RPA3: variants seen among roughly 807,000 people sequenced by gnomAD.
RPA3 encodes replication protein A3, also known as replication protein A 14 kDa subunit.
Under a neutral mutation model 13.7 loss-of-function variants are expected in RPA3, and 24 were observed. The observed-to-expected ratio is 1.75, with a 90% CI of 1.27 to 2.46. The LOEUF is 2.46. Among genes scored for constraint, RPA3 ranks in the 30% most tolerant of loss-of-function variants. The pLI, the probability that RPA3 is intolerant of heterozygous loss-of-function variation, is 0.00. For synonymous variants in RPA3, 59 were observed against 51.2 expected (o/e 1.15, Z -0.65); for missense variants, 183 against 151.0 (o/e 1.21, Z -1.11).
chr7:7,644,060 C>A (rs545516439), intron 4 of RPA3, among the ~76,000 whole-genome samples: 1 of 152,270 alleles, frequency 6.6e-6, no homozygotes, highest in African/African-American at 2.4e-5. Flanking sequence ...ACTCTCTTAC[C>A]TGGAGTATAA....
intron 4 of RPA3, among the ~76,000 whole-genome samples, chr7:7,664,946 CTG>C (rs1478246210): frequency 6.6e-6 from 1 of 152,084 alleles, no homozygotes; most frequent in Non-Finnish European, 1.5e-5. Flanking sequence ...TTTTTCAGCA[CTG>C]TGAAATTTAC....
chr7:7,674,721 A>G (rs951549764), intron 4 of RPA3, among the ~76,000 whole-genome samples: 8 of 152,294 alleles, frequency 5.3e-5, no homozygotes, highest in South Asian at 2.1e-4. Context: ...CTTGGCTTCC[A>G]AGTCAGAACT....
At chr7:7,698,576 G>T (rs1008285858) in intron 2 of RPA3, among the ~76,000 whole-genome samples, 1 of 151,766 alleles carries the variant, frequency 6.6e-6, no homozygotes, top group Admixed American at 6.6e-5. Context: ...GTAGTATTTC[G>T]TAGAACTGGA....
intron 2 of RPA3, chr7:7,689,500 T>G (rs1563124746): frequency 6.6e-6 from 1 of 152,292 alleles, no homozygotes; most frequent in East Asian, 1.9e-4. Context: ...TAAGCCACTT[T>G]TAGCTAGGTT....
chr7:7,716,953 T>G (rs192023304), intron 1 of RPA3, among the ~76,000 whole-genome samples: 1 of 152,098 alleles, frequency 6.6e-6, no homozygotes, highest in Non-Finnish European at 1.5e-5. Flanking sequence ...CCGCCTCCTA[T>G]AAAACCAACC....
At chr7:7,683,517 C>T (rs1308096799) in intron 4 of RPA3, among the ~76,000 whole-genome samples, 2 of 151,974 alleles carry the variant, frequency 1.3e-5, no homozygotes, top group African/African-American at 4.8e-5. Flanking sequence ...CAAATAAAAC[C>T]ACAGAATTTC....
intron 4 of RPA3, among the ~76,000 whole-genome samples, chr7:7,645,958 G>A (rs568112253): frequency 6.6e-6 from 1 of 152,296 alleles, no homozygotes; most frequent in East Asian, 1.9e-4. Context: ...GAACCAGGGT[G>A]TGGCTCGTTT....
At chr7:7,660,294 C>T (rs747962349) in intron 4 of RPA3, among the ~76,000 whole-genome samples, 23 of 152,148 alleles carry the variant, frequency 1.5e-4, no homozygotes, top group Non-Finnish European at 3.4e-4. Context: ...GCATTTAGCC[C>T]ATTTACATTT....
intron 2 of RPA3, chr7:7,689,365 C>T (rs1446677739): frequency 4.6e-5 from 7 of 152,226 alleles, no homozygotes; most frequent in Middle Eastern, 6.8e-3. Context: ...GGTCACATGT[C>T]GAAGATGGCA....
chr7:7,657,090 G>A (rs192070507), intron 4 of RPA3, among the ~76,000 whole-genome samples: 2 of 152,100 alleles, frequency 1.3e-5, no homozygotes, highest in East Asian at 1.9e-4. Context: ...TTTTTCATAT[G>A]TTTGTTGTCT....
chr7:7,681,009 C>T (rs1039443861), intron 4 of RPA3, among the ~76,000 whole-genome samples: 2 of 151,830 alleles, frequency 1.3e-5, no homozygotes, highest in Non-Finnish European at 2.9e-5. Context: ...GTGTGCAATA[C>T]GTACATTACA....
chr7:7,703,933 G>C (rs1780529425), intron 2 of RPA3, among the ~76,000 whole-genome samples: 1 of 151,832 alleles, frequency 6.6e-6, no homozygotes. Context: ...CAGATAACCT[G>C]TCTCTTAACA....
At chr7:7,667,026 C>G (rs541226143) in intron 4 of RPA3, among the ~76,000 whole-genome samples, 1 of 152,288 alleles carries the variant, frequency 6.6e-6, no homozygotes, top group Admixed American at 6.5e-5. Context: ...TAGGCCAGGT[C>G]TCTAACTCCT....
At chr7:7,669,455 G>A (rs1779551168) in intron 4 of RPA3, among the ~76,000 whole-genome samples, 1 of 152,182 alleles carries the variant, frequency 6.6e-6, no homozygotes, top group Non-Finnish European at 1.5e-5. Context: ...ACCACTGTGT[G>A]TTTTTGAGTG....
intron 2 of RPA3, chr7:7,689,570 A>G (rs561677870): frequency 3.3e-5 from 5 of 152,234 alleles, no homozygotes; most frequent in East Asian, 1.9e-4. Context: ...TTATAATGCT[A>G]TCTCCCTGGA....
chr7:7,701,681 A>G (rs1780467025), intron 2 of RPA3, among the ~76,000 whole-genome samples: 1 of 152,192 alleles, frequency 6.6e-6, no homozygotes, highest in Non-Finnish European at 1.5e-5. Flanking sequence ...GATTAGGATG[A>G]TTAAGAGAAT....
chr7:7,636,972 T>C lies in RPA3; in HGVS notation c.*28A>G. The stretch of plus-strand genomic sequence containing the variant: ...CTTTAATAGACTTTAATATAGCTCA[T>C]TTACAATCGTATGAAAATCCATCAA... On this transcript the variant is annotated 3_prime_UTR_variant, in exon 8 of 8. Transcript: ENST00000223129. 6.6e-7 allele frequency: 1 copy of C among 1,505,688 alleles called. No individual in the cohort carries two copies. Among genetic ancestry groups the C allele is most frequent in the Non-Finnish European group, 9.2e-7 (1 of 1,083,318 alleles). 93.3% of individuals were successfully genotyped at this position (1,505,688 alleles called of 1,614,324 possible).
chr7:7,707,610 A>T (rs1780638408), intron 2 of RPA3, among the ~76,000 whole-genome samples: 1 of 152,194 alleles, frequency 6.6e-6, no homozygotes, highest in Non-Finnish European at 1.5e-5. Flanking sequence ...TAAAGCTAAC[A>T]AATAATAAAA....
chr7:7,678,557 T>C (rs1273701851), intron 4 of RPA3, among the ~76,000 whole-genome samples: 3 of 138,458 alleles, frequency 2.2e-5, no homozygotes, highest in Admixed American at 1.5e-4. Context: ...AAATATATAT[T>C]TATATACTTA....
Sources: allele counts gnomAD v4.1 joint callset (sites outside exome capture counted in the v4.1 genomes callset), GRCh38; gene constraint gnomAD v4.1.1; transcripts MANE v1.5; gene names NCBI Gene and HGNC (gene_info 2026-07-23, HGNC 2026-07-21).